The following MAP2K1 variants were observed in gnomAD, a reference collection of about 807,000 sequenced individuals.
The protein encoded by MAP2K1 is mitogen-activated protein kinase kinase 1, also known as dual specificity mitogen-activated protein kinase kinase 1.
In MAP2K1, 16 loss-of-function variants were observed where a neutral mutation model predicts 46.3. That is an observed-to-expected ratio of 0.35 (90% CI 0.23 to 0.52). The LOEUF is 0.52. MAP2K1 is among the 20% of genes least tolerant of loss of function. The pLI, the probability that MAP2K1 is intolerant of heterozygous loss-of-function variation, is 0.94. For synonymous variants in MAP2K1, 183 were observed against 185.6 expected, an observed-to-expected ratio of 0.99 and a Z score of 0.11; for missense variants, 263 against 497.1, an observed-to-expected ratio of 0.53 and a Z score of 4.48.
At chr15:66,470,091 CTTGT>C (rs757255654) in intron 5 of MAP2K1, among the ~76,000 whole-genome samples, 1,435 of 55,352 alleles carry the variant, frequency 0.026, 6 homozygotes, top group South Asian at 0.091. Context: ...ACTTTTTTTT[CTTGT>C]TTTTTTTTTT....
chr15:66,466,539 G>T (rs1211199676), intron 5 of MAP2K1, among the ~76,000 whole-genome samples: 1 of 152,050 alleles, frequency 6.6e-6, no homozygotes, highest in Non-Finnish European at 1.5e-5. Context: ...AATTAGCTGG[G>T]CGTGGTGGTG....
intron 1 of MAP2K1, among the ~76,000 whole-genome samples, chr15:66,430,717 A>G (rs2093473153): frequency 6.6e-6 from 1 of 152,104 alleles, no homozygotes; most frequent in Non-Finnish European, 1.5e-5. Flanking sequence ...TCCCTCCCTG[A>G]GATACATTTT....
At chr15:66,461,816 G>T (rs185850332) in intron 5 of MAP2K1, among the ~76,000 whole-genome samples, 6 of 152,068 alleles carry the variant, frequency 3.9e-5, no homozygotes, top group African/African-American at 1.4e-4. Context: ...CCTTATGGAA[G>T]TTTCCTTCTA....
At chr15:66,417,604 G>A (rs187399906) in intron 1 of MAP2K1, among the ~76,000 whole-genome samples, 1 of 152,248 alleles carries the variant, frequency 6.6e-6, no homozygotes, top group East Asian at 1.9e-4. Context: ...GCTTAAGTGA[G>A]CACCTGCATT....
intron 5 of MAP2K1, among the ~76,000 whole-genome samples, chr15:66,477,161 CG>C (rs1002896560): frequency 6.6e-6 from 1 of 152,154 alleles, no homozygotes; most frequent in African/African-American, 2.4e-5. Flanking sequence ...TTCCCTGGAG[CG>C]GGTGGGAGAA....
At chr15:66,388,091 AT>A (rs1198385377) in intron 1 of MAP2K1, among the ~76,000 whole-genome samples, 1 of 152,124 alleles carries the variant, frequency 6.6e-6, no homozygotes, top group Non-Finnish European at 1.5e-5. Context: ...CTCACTAATG[AT>A]TTCCTAGCTT....
At chr15:66,464,001 AG>A (rs1240115928) in intron 5 of MAP2K1, among the ~76,000 whole-genome samples, 28 of 152,352 alleles carry the variant, frequency 1.8e-4, no homozygotes, top group Admixed American at 1.2e-3. Flanking sequence ...GACTTTGAAT[AG>A]AATGAGAGGC....
intron 5 of MAP2K1, among the ~76,000 whole-genome samples, chr15:66,454,612 C>T (rs933664920): frequency 6.6e-5 from 10 of 152,070 alleles, no homozygotes; most frequent in Middle Eastern, 3.2e-3. Flanking sequence ...TGGCTGGGAG[C>T]GGTGGCTCAT....
intron 1 of MAP2K1, among the ~76,000 whole-genome samples, chr15:66,428,773 CTTTTTTTTTTTTTTT>C (rs1196428468): frequency 1.0e-4 from 8 of 78,196 alleles, no homozygotes; most frequent in African/African-American, 1.7e-4. Context: ...ATTTTCTTTC[CTTTTTTTTTTTTTTT>C]TTTTTTTTTT....
intron 3 of MAP2K1, among the ~76,000 whole-genome samples, chr15:66,442,960 T>C (rs1366363251): frequency 2.0e-5 from 3 of 152,008 alleles, no homozygotes; most frequent in Non-Finnish European, 2.9e-5. Flanking sequence ...TAGGACAAGG[T>C]ATGGGAGTGG....
intron 1 of MAP2K1, among the ~76,000 whole-genome samples, chr15:66,397,186 A>C (rs1200023547): frequency 6.6e-6 from 1 of 150,902 alleles, no homozygotes; most frequent in African/African-American, 2.4e-5. Flanking sequence ...TTGTATTTTT[A>C]GTAGAGACAA....
chr15:66,419,748 A>T (rs2093433104), intron 1 of MAP2K1, among the ~76,000 whole-genome samples: 1 of 152,092 alleles, frequency 6.6e-6, no homozygotes, highest in African/African-American at 2.4e-5. Flanking sequence ...CTGCAGAAAC[A>T]TGTTGTGGGA....
At chr15:66,461,509 TAAATAATA>T (rs1172249761) in intron 5 of MAP2K1, among the ~76,000 whole-genome samples, 80 of 147,134 alleles carry the variant, frequency 5.4e-4, no homozygotes, top group Admixed American at 1.1e-3. Flanking sequence ...AATAAATAAA[TAAATAATA>T]AAATAATAAT....
intron 5 of MAP2K1, among the ~76,000 whole-genome samples, chr15:66,475,226 G>T (rs1315089203): frequency 6.6e-6 from 1 of 152,160 alleles, no homozygotes; most frequent in Non-Finnish European, 1.5e-5. Context: ...ACTCATCCAG[G>T]TCAGCTCCCT....
intron 1 of MAP2K1, chr15:66,415,048 T>A: frequency 4.0e-6 from 2 of 497,268 alleles, no homozygotes; most frequent in Admixed American, 4.2e-5. Context: ...CTTCTTCATG[T>A]CAATGCACTG....
chr15:66,460,286 A>T (rs1432258352), intron 5 of MAP2K1, among the ~76,000 whole-genome samples: 3 of 152,224 alleles, frequency 2.0e-5, no homozygotes, highest in East Asian at 1.9e-4. Flanking sequence ...CACAGTGATG[A>T]TTATAGCTCC....
Position 66,490,785 on chromosome 15 carries a change from C to T in MAP2K1, c.*170C>T. 1 of 695,498 alleles carries T rather than the reference C, an allele frequency of 1.4e-6. No homozygotes were observed. Among genetic ancestry groups the T allele is most frequent in the South Asian group, 1.5e-5 (1 of 66,796 alleles). The allele number at this position is 695,498 out of a possible 1,614,324, so 43.1% of individuals were successfully genotyped here. A position where few individuals can be genotyped will look rare whatever the true frequency, so the allele number is the denominator to read the frequency against. Reference sequence around the variant, plus strand: ...CTCTTGTCATTTTTAATATTACTGTCTTTATTCTTATTACTATTATTGTTC... The same window carrying T: ...CTCTTGTCATTTTTAATATTACTGTTTTTATTCTTATTACTATTATTGTTC... On this transcript the variant is annotated 3_prime_UTR_variant, in exon 11 of 11. Transcript: ENST00000307102.
chr15:66,395,535 T>C (rs957481346), intron 1 of MAP2K1, among the ~76,000 whole-genome samples: 122 of 152,148 alleles, frequency 8.0e-4, no homozygotes, highest in African/African-American at 2.8e-3. Flanking sequence ...CATGGTTTTT[T>C]TTTTTGTCTG....
chr15:66,436,690 C>A (rs2140582834), intron 2 of MAP2K1, 56 bp from the exon 3 acceptor site: 1 of 1,519,722 alleles, frequency 6.6e-7, no homozygotes, highest in Non-Finnish European at 9.1e-7. Context: ...CTATATCTTT[C>A]ATCCCTTCCT....
Sources: gnomAD v4.1 joint callset for allele counts (sites outside exome capture counted in the v4.1 genomes callset) on GRCh38, gnomAD v4.1.1 for gene constraint, MANE v1.5 for transcripts, NCBI Gene and HGNC (gene_info 2026-07-23, HGNC 2026-07-21) for gene names.